The following STAB2 variants were observed in gnomAD, a reference collection of about 807,000 sequenced individuals.
The protein encoded by STAB2 is stabilin 2.
A neutral mutation model predicts 338.1 loss-of-function variants in STAB2; 288 were observed. The ratio of observed to expected loss-of-function variants is 0.85; its 90% CI spans 0.77 to 0.94. The LOEUF is 0.94. Ranked by LOEUF, STAB2 falls within the 40% of genes least tolerant of loss-of-function variation. The probability of loss-of-function intolerance (pLI) is 0.00; values close to 1 mark genes in which losing one functional copy is unlikely to be tolerated. For missense variants in STAB2, 3,141 were observed against 3,210.1 expected, an observed-to-expected ratio of 0.98 and a Z score of 0.52; for synonymous variants, 1,202 against 1,193.3, an observed-to-expected ratio of 1.01 and a Z score of -0.15.
intron 12 of STAB2, among the ~76,000 whole-genome samples, chr12:103,652,974 A>G (rs1873858336): frequency 6.6e-6 from 1 of 152,174 alleles, no homozygotes; most frequent in African/African-American, 2.4e-5. Context: ...CTGTCATTCA[A>G]CTGCCAGCAG....
In STAB2 at chr12:103,742,562, G is replaced by C; in HGVS notation, c.6031+8G>C. 1 of 1,614,126 alleles carries C rather than the reference G, an allele frequency of 6.2e-7. No individual in the cohort carries two copies. On this transcript the variant is annotated splice_region_variant and intron_variant, in intron 56 of 68. Transcript: ENST00000388887. The stretch of plus-strand genomic sequence containing the variant: ...TCGGGCCTGATTGTCTGCGTATGTG[G>C]CGCCGCTTCTCCGTGCTAGAGCTTG...
intron 3 of STAB2, among the ~76,000 whole-genome samples, chr12:103,611,575 T>C (rs966727428): frequency 2.6e-5 from 4 of 152,214 alleles, no homozygotes; most frequent in Non-Finnish European, 5.9e-5. Flanking sequence ...TTTGAGGCTT[T>C]GTGTGTCTCT....
chr12:103,632,166 C>G lies in STAB2; in HGVS notation c.583+473C>G, dbSNP rs533695162. 2.0e-3 allele frequency among the ~76,000 whole-genome samples: 300 copies of G among 152,308 alleles called. 2 individuals are homozygous for G. The highest frequency in any genetic ancestry group is 7.0e-3 in the African/African-American group (291 of 41,566). Reference sequence around the variant, plus strand: ...CCACACAACTAGGAGAGCTGGGACTCAAGTCATTTGAATCCATGGGAAATT... The same window carrying G: ...CCACACAACTAGGAGAGCTGGGACTGAAGTCATTTGAATCCATGGGAAATT... On this transcript the variant is annotated intron_variant, in intron 6 of 68. Transcript: ENST00000388887.
At chr12:103,640,289 C>G (rs1174168493) in intron 9 of STAB2, 33 bp downstream of exon 9, 1 of 1,593,270 alleles carries the variant, frequency 6.3e-7, no homozygotes, top group East Asian at 2.2e-5. Flanking sequence ...CCAACATTTC[C>G]AAGTGGTGAA....
At chr12:103,625,464 C>A (rs1041473085) in intron 5 of STAB2, among the ~76,000 whole-genome samples, 3 of 152,158 alleles carry the variant, frequency 2.0e-5, no homozygotes, top group Non-Finnish European at 4.4e-5. Flanking sequence ...CCCCCAGTAA[C>A]TTGTCATTTA....
At position 103,631,056 on chromosome 12, in the gene STAB2, G is replaced by A. The variant is rs1042629497; in HGVS notation, c.488-542G>A. On this transcript the variant is annotated intron_variant, in intron 5 of 68. Coordinates refer to ENST00000388887, the MANE Select transcript of STAB2 (RefSeq NM_017564.10). Reference sequence around the variant, plus strand: ...TTGACCATTCACATTCATTTCAAATGCCCTTCATTTATCATCCCTGAAATG... The same window carrying A: ...TTGACCATTCACATTCATTTCAAATACCCTTCATTTATCATCCCTGAAATG... Among the ~76,000 whole-genome samples the A allele has an allele frequency of 1.2e-4, 19 of 152,276 alleles. 3 individuals carry two copies. The highest frequency in any genetic ancestry group is 3.9e-4 in the Admixed American group (6 of 15,290).
intron 12 of STAB2, among the ~76,000 whole-genome samples, chr12:103,653,717 T>A (rs1420534802): frequency 6.8e-6 from 1 of 147,716 alleles, no homozygotes; most frequent in African/African-American, 2.5e-5. Flanking sequence ...GATAGATGGA[T>A]GGATGGATGG....
At chr12:103,737,609 T>TCTC (rs1191150437) in intron 52 of STAB2, 25 bp from the exon 53 acceptor site, 672 of 697,514 alleles carry the variant, frequency 9.6e-4, no homozygotes, top group Admixed American at 2.4e-3. Context: ...TCTTTCTCTT[T>TCTC]TTTTTTTTTT....
intron 3 of STAB2, among the ~76,000 whole-genome samples, chr12:103,601,317 C>T (rs1956951114): frequency 1.3e-5 from 2 of 151,920 alleles, no homozygotes; most frequent in African/African-American, 2.4e-5. Context: ...AGGGGCTGGG[C>T]GAGGTGGCTT....
Position 103,668,738 on chromosome 12 carries a change from C to T in STAB2, c.2172+9C>T, listed in dbSNP as rs890000904. 1.2e-5 allele frequency: 18 copies of T among 1,536,216 alleles called. No individual in the cohort carries two copies. The highest frequency in any genetic ancestry group is 1.7e-4 in the Middle Eastern group (1 of 5,742). On this transcript the variant is annotated intron_variant, in intron 20 of 68. Coordinates refer to ENST00000388887, the MANE Select transcript of STAB2 (RefSeq NM_017564.10). ...GCAATGCCACTGTGAAGGTGAGGAGCGCGTGGCCGAGGCCCAGTCTAGGCC... is the reference window on the plus strand; with the variant it reads ...GCAATGCCACTGTGAAGGTGAGGAGTGCGTGGCCGAGGCCCAGTCTAGGCC...
chr12:103,716,493 T>C (rs2139023248), intron 43 of STAB2, among the ~76,000 whole-genome samples: 1 of 152,270 alleles, frequency 6.6e-6, no homozygotes, highest in South Asian at 2.1e-4. Flanking sequence ...AGACAGGAAA[T>C]CACATATATC....
chr12:103,731,504 C>T (rs986597591), intron 49 of STAB2, 72 bp from the exon 50 acceptor site: 2 of 1,531,326 alleles, frequency 1.3e-6, no homozygotes, highest in African/African-American at 2.8e-5. Context: ...CTTTTTTTCA[C>T]TTGAGCTCTT....
chr12:103,668,670 A>C lies in STAB2; in HGVS notation c.2113A>C (p.Ser705Arg), dbSNP rs1172343920. Residue 705 changes from serine (S) to arginine (R), a missense_variant, in exon 20 of 69, where the codon AGT becomes CGT. Physicochemically the swap from Ser to Arg is moderately radical, Grantham distance 110. Transcript: ENST00000388887. ...TALFTHRCVY[S>R]GRFGSLKSGC... ...ACTCTTCACACACAGATGTGTCTACAGTGGCAGGTTTGGGAGCCTGAAGAG... is the reference window on the plus strand; with the variant it reads ...ACTCTTCACACACAGATGTGTCTACCGTGGCAGGTTTGGGAGCCTGAAGAG... 5 of 1,551,692 alleles carry C rather than the reference A, an allele frequency of 3.2e-6. No homozygotes were observed. The Admixed American group carries it at 7.8e-5, about 24-fold the overall frequency.
chr12:103,728,759 G>C, intron 47 of STAB2, 90 bp from the exon 48 acceptor site: 1 of 1,540,346 alleles, frequency 6.5e-7, no homozygotes, highest in Non-Finnish European at 8.9e-7. Flanking sequence ...GAGAGGTGTG[G>C]AAGAGAGAAT....
intron 9 of STAB2, among the ~76,000 whole-genome samples, chr12:103,643,920 C>T (rs1477076698): frequency 9.6e-5 from 11 of 114,956 alleles, no homozygotes; most frequent in African/African-American, 1.4e-4. Context: ...GTGAGGAGCC[C>T]CTCTGCCCGG....
intron 22 of STAB2, among the ~76,000 whole-genome samples, chr12:103,672,938 G>A (rs1490700604): frequency 6.6e-6 from 1 of 152,092 alleles, no homozygotes; most frequent in South Asian, 2.1e-4. Context: ...AGCAAGTTGG[G>A]CAACTTGCTT....
At chr12:103,683,729 C>T (rs1877142230) in intron 26 of STAB2, among the ~76,000 whole-genome samples, 1 of 152,204 alleles carries the variant, frequency 6.6e-6, no homozygotes, top group African/African-American at 2.4e-5. Context: ...TCGAATGTCA[C>T]AACAGAGTTT....
At chr12:103,720,914 C>T (rs1471283246) in intron 44 of STAB2, among the ~76,000 whole-genome samples, 1 of 152,220 alleles carries the variant, frequency 6.6e-6, no homozygotes, top group Non-Finnish European at 1.5e-5. Context: ...ACTGAGTTCC[C>T]TTGGGTCTCT....
chr12:103,734,486 T>A (rs562646380), intron 51 of STAB2, among the ~76,000 whole-genome samples: 1 of 151,472 alleles, frequency 6.6e-6, no homozygotes, highest in Admixed American at 6.6e-5. Flanking sequence ...TATAGGAGCA[T>A]GCACAGTCTC....
Sources: gnomAD v4.1 joint callset for allele counts (sites outside exome capture counted in the v4.1 genomes callset) on GRCh38, gnomAD v4.1.1 for gene constraint, MANE v1.5 for transcripts, NCBI Gene and HGNC (gene_info 2026-07-23, HGNC 2026-07-21) for gene names.